Variants in CARMIL2 observed in about 807,000 individuals in gnomAD.
The protein encoded by CARMIL2 is capping protein regulator and myosin 1 linker 2, also known as capping protein, Arp2/3 and myosin-I linker protein 2.
A neutral mutation model predicts 173.3 loss-of-function variants in CARMIL2; 96 were observed. That is an observed-to-expected ratio of 0.55 (90% confidence interval 0.47 to 0.66). The LOEUF (loss-of-function observed/expected upper bound fraction) is 0.66, where lower values mean the gene tolerates loss of function less well. CARMIL2 is among the 30% of genes least tolerant of loss of function. The pLI, the probability that CARMIL2 is intolerant of heterozygous loss-of-function variation, is 0.00. For missense variants in CARMIL2, 1,771 were observed against 1,906.7 expected, an observed-to-expected ratio of 0.93 and a Z score of 1.33; for synonymous variants, 830 against 817.1, an observed-to-expected ratio of 1.02 and a Z score of -0.27.
Position 67,648,057 on chromosome 16 carries a change from C to G in CARMIL2, c.1077C>G (p.Leu359=). ...ALGASEDSGG[L]YSFLSRPNVL... is the part of the protein sequence containing the mutation. ...CACCCCTGTCCTCCCTCCAGGGCCT[C>G]TATAGCTTCCTGAGCCGTCCTAACG... The change falls in exon 14 of 38, where the codon CTC becomes CTG. Residue 359 remains leucine, a synonymous_variant. Transcript: ENST00000334583. The surrounding 1 kb of genome is among the most constrained non-coding windows in gnomAD (Gnocchi z 6.1). 6.2e-7 allele frequency: 1 copy of G among 1,611,974 alleles called. No individual in the cohort carries two copies. Among genetic ancestry groups the G allele is most frequent in the Middle Eastern group, 1.7e-4 (1 of 6,056 alleles).
Position 67,646,139 on chromosome 16 carries a change from C to T in CARMIL2, c.250-47C>T, listed in dbSNP as rs1169758274. 2 of 1,613,684 alleles carry T rather than the reference C, an allele frequency of 1.2e-6. No individual in the cohort carries two copies. The highest frequency in any genetic ancestry group is 1.7e-6 in the Non-Finnish European group (2 of 1,179,844). ...CCTGGTCTTCATGCTACCACCATCACCTGCGCCCATGTGTGGAGCCGAGGC... is the reference window on the plus strand; with the variant it reads ...CCTGGTCTTCATGCTACCACCATCATCTGCGCCCATGTGTGGAGCCGAGGC... On this transcript the variant is annotated intron_variant, in intron 4 of 37. Transcript: ENST00000334583. This position sits in a 1 kb window ranked among gnomAD's most constrained non-coding sequence, Gnocchi z 4.6.
At position 67,649,085 on chromosome 16, in the gene CARMIL2, C is replaced by T; in HGVS notation, c.1601C>T (p.Ser534Leu). Residue 534 changes from serine (S) to leucine (L), a missense_variant, in exon 18 of 38, where the codon TCA becomes TTA. By Grantham distance (145) the Ser-to-Leu change is moderately radical (BLOSUM62 -2). Coordinates refer to ENST00000334583, the MANE Select transcript of CARMIL2 (RefSeq NM_001013838.3). The surrounding 1 kb of genome is among the most constrained non-coding windows in gnomAD (Gnocchi z 6.7). ...CCCGAGTCACCCCCAGGCTTCGGCT[C>T]AGACATGGTGACTCTGGTGCTGGCC... is the stretch of plus-strand genomic sequence containing the variant. ...SLDLADNGFG[S>L]DMVTLVLAIG... 1 of 1,612,794 alleles carries T rather than the reference C, an allele frequency of 6.2e-7. No homozygotes were observed. Among genetic ancestry groups the T allele is most frequent in the East Asian group, 2.2e-5 (1 of 44,852 alleles).
rs763744075 is a variant in CARMIL2 at position 67,647,367 on chromosome 16, G to T, written c.756G>T (p.Leu252=). ...CATCACACCTGGAGGAGCTGGTGCTGGAGACCTGCAGCCTGAGGGGGTGAG... is the reference window on the plus strand; with the variant it reads ...CATCACACCTGGAGGAGCTGGTGCTTGAGACCTGCAGCCTGAGGGGGTGAG... ...SQSSHLEELV[L]ETCSLRGDFV... The change falls in exon 10 of 38, where the codon CTG becomes CTT. Residue 252 remains leucine, a synonymous_variant. Transcript: ENST00000334583. 1 of 1,581,268 alleles carries T rather than the reference G, an allele frequency of 6.3e-7. No homozygotes were observed.
rs776747527 is a variant in CARMIL2, at chr16:67,654,828, G to C, written c.3633G>C (p.Gln1211His). Reference protein sequence around the residue: ...GETELAPSFEQRVQVMLQRIG... With the variant: ...GETELAPSFEHRVQVMLQRIG... ...CAGAACTGGCTCCATCCTTTGAACAGCGGGTACAAGTAATGCTGCAGAGGA... is the reference window on the plus strand; with the variant it reads ...CAGAACTGGCTCCATCCTTTGAACACCGGGTACAAGTAATGCTGCAGAGGA... Residue 1211 changes from glutamine (Q) to histidine (H), a missense_variant, in exon 32 of 38, where the codon CAG becomes CAC. Physicochemically the swap from Gln to His is conservative, Grantham distance 24. This residue lies in a region of CARMIL2 where 817 missense variants were observed against 903.5 expected (regional missense o/e 0.90). Coordinates refer to ENST00000334583, the MANE Select transcript of CARMIL2 (RefSeq NM_001013838.3). 1 of 1,613,578 alleles carries C rather than the reference G, an allele frequency of 6.2e-7. No individual in the cohort carries two copies. Among genetic ancestry groups the C allele is most frequent in the African/African-American group, 1.3e-5 (1 of 74,944 alleles).
Position 67,651,901 on chromosome 16 carries a change from C to G in CARMIL2, c.2589-20C>G, listed in dbSNP as rs373556275. On this transcript the variant is annotated intron_variant, in intron 25 of 37. Coordinates refer to ENST00000334583, the MANE Select transcript of CARMIL2 (RefSeq NM_001013838.3). This position sits in a 1 kb window ranked among gnomAD's most constrained non-coding sequence, Gnocchi z 4.2. ...CTGAGCAAAGCCAGCCCATTAACCC[C>G]TGTCCTCTCCTGCCCTTAGGGACAT... 3.8e-5 allele frequency: 62 copies of G among 1,613,168 alleles called. No individual in the cohort carries two copies. Among genetic ancestry groups the G allele is most frequent in the Non-Finnish European group, 5.0e-5 (59 of 1,179,748 alleles).
intron 33 of CARMIL2, 22 bp downstream of exon 33, chr16:67,656,089 G>T: frequency 6.2e-7 from 1 of 1,608,364 alleles, no homozygotes; most frequent in South Asian, 1.1e-5. Flanking sequence ...CCTGGGGTGT[G>T]GCAGTACATT....
chr16:67,649,135 CAT>C lies in CARMIL2; in HGVS notation c.1652_1653del (p.His551ArgfsTer40). The C allele has an allele frequency of 3.1e-6, 5 of 1,613,630 alleles. No individual in the cohort carries two copies. The highest frequency in any genetic ancestry group is 2.2e-5 in the South Asian group (2 of 91,018). On this transcript the variant is annotated frameshift_variant, in exon 18 of 38. Transcript: ENST00000334583. LOFTEE classifies it high-confidence loss of function. This position sits in a 1 kb window ranked among gnomAD's most constrained non-coding sequence, Gnocchi z 6.7. ...CATCGGGAGAAGCCGGTCCCTGAGA[CAT>C]GTGGCGCTTGGAAGGAACTTCAACG... ...LAIGRSRSLR[H>X]VALGRNFNVR...
At position 67,646,120 on chromosome 16, in the gene CARMIL2, C is replaced by T. The variant is rs369723076; in HGVS notation, c.249+40C>T. On this transcript the variant is annotated intron_variant, in intron 4 of 37. Transcript: ENST00000334583. This position sits in a 1 kb window ranked among gnomAD's most constrained non-coding sequence, Gnocchi z 4.6. The stretch of plus-strand genomic sequence containing the variant: ...ACCCTACCTGGGCCTGCAGCCTGGT[C>T]TTCATGCTACCACCATCACCTGCGC... The T allele has an allele frequency of 2.9e-5, 46 of 1,613,688 alleles. No homozygotes were observed. Among genetic ancestry groups the T allele is most frequent in the Non-Finnish European group, 3.8e-5 (45 of 1,179,862 alleles).
rs1488137836 is a variant in CARMIL2, at chr16:67,646,778, T to A, written c.531T>A (p.Ile177=). The change falls in exon 7 of 38, where the codon ATT becomes ATA. Residue 177 remains isoleucine (I), a synonymous_variant. Transcript: ENST00000334583. This position sits in a 1 kb window ranked among gnomAD's most constrained non-coding sequence, Gnocchi z 4.6. ...DYNGFPFREE[I]QWDVDTIYHR... is the part of the protein sequence containing the mutation. ...ATGGCTTCCCTTTCCGAGAGGAGAT[T>A]CAGTGGGTGAGGGTAGGGCCCTTTT... The A allele has an allele frequency of 6.2e-7, 1 of 1,613,914 alleles. No homozygotes were observed. The highest frequency in any genetic ancestry group is 1.7e-5 in the Admixed American group (1 of 60,032).
intron 22 of CARMIL2, 67 bp downstream of exon 22, chr16:67,650,217 A>G (rs976362422): frequency 2.9e-6 from 4 of 1,376,584 alleles, no homozygotes; most frequent in African/African-American, 1.4e-5. Flanking sequence ...GGGAGCCTCC[A>G]TGAGTCAGAG....
Position 67,649,374 on chromosome 16 carries a change from G to T in CARMIL2, c.1746+63G>T. The T allele has an allele frequency of 6.2e-7, 1 of 1,609,342 alleles. No homozygotes were observed. Among genetic ancestry groups the T allele is most frequent in the Non-Finnish European group, 8.5e-7 (1 of 1,179,074 alleles). ...GACCACTTTGGTCCTCCTTTCTCTT[G>T]TTCCCTCAGACCCTGTGACCTGCCC... is the stretch of plus-strand genomic sequence containing the variant. On this transcript the variant is annotated intron_variant, in intron 19 of 37. Coordinates refer to ENST00000334583, the MANE Select transcript of CARMIL2 (RefSeq NM_001013838.3). The surrounding 1 kb of genome is among the most constrained non-coding windows in gnomAD (Gnocchi z 6.7).
rs978378068 is a variant in CARMIL2, at chr16:67,646,872, G to A, written c.538-28G>A. ...CTCCCTGCCCCTTGTGGCCCCAGGCGAACTGTAAGCATCTCCTTCTCACCC... is the reference window on the plus strand; with the variant it reads ...CTCCCTGCCCCTTGTGGCCCCAGGCAAACTGTAAGCATCTCCTTCTCACCC... On this transcript the variant is annotated intron_variant, in intron 7 of 37. Coordinates refer to ENST00000334583, the MANE Select transcript of CARMIL2 (RefSeq NM_001013838.3). The surrounding 1 kb of genome is among the most constrained non-coding windows in gnomAD (Gnocchi z 4.6). The A allele has an allele frequency of 1.1e-5, 17 of 1,613,378 alleles. No individual in the cohort carries two copies. Among genetic ancestry groups the A allele is most frequent in the Non-Finnish European group, 1.1e-5 (13 of 1,179,646 alleles).
chr16:67,646,443 C>T lies in CARMIL2; in HGVS notation c.392C>T (p.Pro131Leu). 6 of 1,613,730 alleles carry T rather than the reference C, an allele frequency of 3.7e-6. No individual in the cohort carries two copies. Among genetic ancestry groups the T allele is most frequent in the Non-Finnish European group, 5.1e-6 (6 of 1,179,848 alleles). Residue 131 changes from proline to leucine, a missense_variant, in exon 6 of 38, where the codon CCC (proline) becomes CTC (leucine). Physicochemically the swap from Pro to Leu is moderately conservative, Grantham distance 98. Transcript: ENST00000334583. This position sits in a 1 kb window ranked among gnomAD's most constrained non-coding sequence, Gnocchi z 4.6. Reference sequence around the variant, plus strand: ...CCTACCAGGAAGCTATTCCGGAGGCCCACACCAGCCTCCATGCTGGCTCGG... The same window carrying T: ...CCTACCAGGAAGCTATTCCGGAGGCTCACACCAGCCTCCATGCTGGCTCGG... ...RSTLGKLFRR[P>L]TPASMLARLE...
rs1018196178 is a variant in CARMIL2, at chr16:67,654,846, G to T, written c.3651G>T (p.Leu1217=). ...TTGAACAGCGGGTACAAGTAATGCT[G>T]CAGAGGATAGGCGTCAGCCGAGGCA... is the stretch of plus-strand genomic sequence containing the variant. ...PSFEQRVQVM[L]QRIGVSRGSG... is the part of the protein sequence containing the mutation. Residue 1217 remains leucine, a synonymous_variant, in exon 32 of 38, where the codon CTG becomes CTT. Transcript: ENST00000334583. 1.2e-6 allele frequency: 2 copies of T among 1,613,736 alleles called. No individual in the cohort carries two copies. The highest frequency in any genetic ancestry group is 1.7e-6 in the Non-Finnish European group (2 of 1,179,896).
At position 67,649,051 on chromosome 16, in the gene CARMIL2, C is replaced by T. The variant is rs1456826819; in HGVS notation, c.1592-25C>T. 4.4e-6 allele frequency: 7 copies of T among 1,608,340 alleles called. No homozygotes were observed. The highest frequency in any genetic ancestry group is 4.0e-5 in the African/African-American group (3 of 74,830). The stretch of plus-strand genomic sequence containing the variant: ...CCACCCTACCCTTGCAACTTCGCCT[C>T]GTGCGTGACCCGAGTCACCCCCAGG... On this transcript the variant is annotated intron_variant, in intron 17 of 37. Transcript: ENST00000334583. The surrounding 1 kb of genome is among the most constrained non-coding windows in gnomAD (Gnocchi z 6.7).
chr16:67,655,946 G>A, intron 32 of CARMIL2, 85 bp from the exon 33 acceptor site: 1 of 1,499,392 alleles, frequency 6.7e-7, no homozygotes, highest in South Asian at 1.3e-5. Flanking sequence ...GCATTCAGTG[G>A]CAGGATTATA....
rs763380557 is a variant in CARMIL2, at chr16:67,651,418, T to C, written c.2331T>C (p.Tyr777=). 1.9e-6 allele frequency: 3 copies of C among 1,591,146 alleles called. No homozygotes were observed. Among genetic ancestry groups the C allele is most frequent in the South Asian group, 1.1e-5 (1 of 88,210 alleles). Residue 777 remains tyrosine (Y), a synonymous_variant, in exon 24 of 38, where the codon TAT becomes TAC. Coordinates refer to ENST00000334583, the MANE Select transcript of CARMIL2 (RefSeq NM_001013838.3). The surrounding 1 kb of genome is among the most constrained non-coding windows in gnomAD (Gnocchi z 4.2). The part of the protein sequence containing the change: ...NFSLSILPIL[Y]EAGSSPSHHW... ...GCCCTCAGATTCTCCCCATTCTATA[T>C]GAAGCTGGAAGCTCCCCAAGCCATC...
rs780868645 is a variant in CARMIL2, at chr16:67,649,781, C to T, written c.1920-25C>T. 3 of 1,602,888 alleles carry T rather than the reference C, an allele frequency of 1.9e-6. No individual in the cohort carries two copies. Among genetic ancestry groups the T allele is most frequent in the South Asian group, 1.1e-5 (1 of 90,114 alleles). On this transcript the variant is annotated intron_variant, in intron 20 of 37. Coordinates refer to ENST00000334583, the MANE Select transcript of CARMIL2 (RefSeq NM_001013838.3). This position sits in a 1 kb window ranked among gnomAD's most constrained non-coding sequence, Gnocchi z 6.7. ...GGTGGGGCGTTGGGAAGCTCCGTCC[C>T]CGACTGAAGCCAGGCCCGGCCCAGG...
At chr16:67,655,926 C>G (rs1296689620) in intron 32 of CARMIL2, 105 bp from the exon 33 acceptor site, 1 of 1,370,896 alleles carries the variant, frequency 7.3e-7, no homozygotes, top group Non-Finnish European at 1.0e-6. Context: ...TCTTGTCCAG[C>G]CCATGGTGGG....
Sources: allele counts gnomAD v4.1 joint callset, GRCh38; gene constraint gnomAD v4.1.1; regional missense constraint gnomAD v4.1.1; non-coding constraint Gnocchi (gnomAD v3.1); transcripts MANE v1.5; gene names NCBI Gene and HGNC (gene_info 2026-07-23, HGNC 2026-07-21).